TENM2: variants seen among roughly 807,000 people sequenced by gnomAD.
The protein encoded by TENM2 is teneurin transmembrane protein 2, also known as teneurin-2.
TENM2 carries 52 observed loss-of-function variants against 245.2 expected under a neutral mutation model. The observed-to-expected ratio is 0.21, with a 90% CI of 0.17 to 0.27. The LOEUF (loss-of-function observed/expected upper bound fraction) is 0.27, where lower values mean the gene tolerates loss of function less well. Ranked by LOEUF, TENM2 falls within the 10% of genes least tolerant of loss-of-function variation. The pLI is 1.00. For missense variants in TENM2, 3,046 were observed against 3,666.8 expected (o/e 0.83, Z 4.37); for synonymous variants, 1,363 against 1,438.9 (o/e 0.95, Z 1.19).
intron 2 of TENM2, among the ~76,000 whole-genome samples, chr5:167,469,212 G>A (rs1025724228): frequency 6.6e-5 from 10 of 152,026 alleles, no homozygotes; most frequent in Non-Finnish European, 1.5e-4. Context: ...TAGTCCTAAC[G>A]CTGCATCAAA....
chr5:167,704,323 A>G (rs1179295477), intron 2 of TENM2, among the ~76,000 whole-genome samples: 2 of 152,128 alleles, frequency 1.3e-5, no homozygotes, highest in East Asian at 3.9e-4. Context: ...ATCTTAGCCT[A>G]TACTTTAATT....
At chr5:167,001,405 A>T in the TENM2 span, among the ~76,000 whole-genome samples, 1 of 152,090 alleles carries the variant, frequency 6.6e-6, no homozygotes, top group East Asian at 1.9e-4. Context: ...TGGACCTTGA[A>T]TGTTGATTTC....
intron 20 of TENM2, among the ~76,000 whole-genome samples, chr5:168,213,663 A>C (rs1581650445): frequency 8.6e-6 from 1 of 116,206 alleles, no homozygotes; most frequent in African/African-American, 2.8e-5. Context: ...CATCTCTACC[A>C]AAAAAAAAAA....
At chr5:167,342,677 G>A (rs1469370432) in intron 1 of TENM2, among the ~76,000 whole-genome samples, 6 of 151,494 alleles carry the variant, frequency 4.0e-5, no homozygotes, top group African/African-American at 1.2e-4. Flanking sequence ...ACAGGCGCCC[G>A]CCACTGCGCC....
intron 5 of TENM2, among the ~76,000 whole-genome samples, chr5:168,001,265 G>T (rs1185213576): frequency 6.6e-6 from 1 of 152,194 alleles, no homozygotes. Flanking sequence ...GGCCATGTAA[G>T]CACCACATTT....
At chr5:167,734,351 A>G (rs980637260) in intron 2 of TENM2, among the ~76,000 whole-genome samples, 1 of 152,012 alleles carries the variant, frequency 6.6e-6, no homozygotes, top group East Asian at 1.9e-4. Context: ...AAATAATATG[A>G]GAAATATTCA....
At chr5:167,091,779 A>G in the TENM2 span, among the ~76,000 whole-genome samples, 1 of 152,194 alleles carries the variant, frequency 6.6e-6, no homozygotes, top group African/African-American at 2.4e-5. Context: ...TGCTTCTAAT[A>G]TAATGAAAGT....
intron 15 of TENM2, 72 bp from the exon 18 acceptor site, chr5:168,198,781 G>A (rs1761683718): frequency 5.2e-6 from 8 of 1,551,166 alleles, no homozygotes; most frequent in East Asian, 2.3e-5. Flanking sequence ...GCCATCAGGG[G>A]AGGAGGAGAG....
At chr5:167,276,350 TTTTGTGTGTGTGTGTGTGTGTGTGTGTG>T in the TENM2 span, among the ~76,000 whole-genome samples, 589 of 143,714 alleles carry the variant, frequency 4.1e-3, 1 homozygote, top group Non-Finnish European at 6.6e-3. Context: ...AGCCTGTTCA[TTTTGTGTGTGTGTGTGTGTGTGTGTGTG>T]TGTGTGTGTG....
chr5:167,946,515 C>T (rs551314390), intron 3 of TENM2, among the ~76,000 whole-genome samples: 1 of 152,278 alleles, frequency 6.6e-6, no homozygotes, highest in South Asian at 2.1e-4. Context: ...TGGGCGATTC[C>T]CTCCAGTTTC....
chr5:167,012,862 A>T, the TENM2 span, among the ~76,000 whole-genome samples: 4 of 150,428 alleles, frequency 2.7e-5, no homozygotes, highest in Non-Finnish European at 5.9e-5. Flanking sequence ...GTGTGTGTGT[A>T]TTTTTTTTTT....
intron 1 of TENM2, among the ~76,000 whole-genome samples, chr5:167,357,439 C>T (rs2127253279): frequency 6.6e-6 from 1 of 151,942 alleles, no homozygotes; most frequent in Admixed American, 6.6e-5. Flanking sequence ...TGTGCCACCA[C>T]ACCTGGCTAA....
In TENM2 at chr5:167,931,771, G is replaced by T. The variant is rs572467509; in HGVS notation, c.713-20817G>T. On this transcript the variant is annotated intron_variant, in intron 3 of 28. Transcript: ENST00000518659. ...GAAATAGCTGGATTATTTAACTTTG[G>T]TTTTGATGGGATTTGGAAGGAAGAT... 9.2e-5 allele frequency among the ~76,000 whole-genome samples: 14 copies of T among 152,142 alleles called. No individual in the cohort carries two copies. The East Asian group carries it at 1.7e-3, about 19-fold the overall frequency.
rs563460763 is a variant in TENM2, at chr5:167,797,887, A to G, written c.503-78099A>G. 6.6e-5 allele frequency among the ~76,000 whole-genome samples: 10 copies of G among 152,316 alleles called. No homozygotes were observed. The South Asian group carries it at 2.1e-3, about 32-fold the overall frequency. On this transcript the variant is annotated intron_variant, in intron 2 of 28. Coordinates refer to ENST00000518659, the Ensembl canonical transcript of TENM2. ...TCTTTTGAAGTAGTTTAAGGGGAAAACATGGATCTAACACAATGTGTTTAT... is the reference window on the plus strand; with the variant it reads ...TCTTTTGAAGTAGTTTAAGGGGAAAGCATGGATCTAACACAATGTGTTTAT...
the TENM2 span, among the ~76,000 whole-genome samples, chr5:167,234,549 A>G: frequency 6.6e-6 from 1 of 152,242 alleles, no homozygotes; most frequent in Non-Finnish European, 1.5e-5. Context: ...AAGCCAGGCT[A>G]CTTGAAGAGG....
chr5:167,362,115 T>A (rs1759752820), intron 1 of TENM2, among the ~76,000 whole-genome samples: 2 of 152,164 alleles, frequency 1.3e-5, no homozygotes, highest in South Asian at 4.1e-4. Flanking sequence ...TTACATGTAT[T>A]TGTAACCTAC....
At chr5:167,570,719 C>T (rs998235417) in intron 2 of TENM2, among the ~76,000 whole-genome samples, 1 of 152,138 alleles carries the variant, frequency 6.6e-6, no homozygotes, top group Non-Finnish European at 1.5e-5. Flanking sequence ...TAAAGAAGAG[C>T]TGCATTGAAG....
the TENM2 span, among the ~76,000 whole-genome samples, chr5:167,089,659 A>T: frequency 6.6e-6 from 1 of 152,162 alleles, no homozygotes; most frequent in Admixed American, 6.6e-5. Context: ...ATTGAACAGG[A>T]TGTGTATGCC....
chr5:168,030,382 G>A (rs1787033585), intron 5 of TENM2, among the ~76,000 whole-genome samples: 1 of 151,736 alleles, frequency 6.6e-6, no homozygotes, highest in Non-Finnish European at 1.5e-5. Flanking sequence ...TTCATTAATT[G>A]CTGTCAGCCA....
Sources: allele counts gnomAD v4.1 joint callset (sites outside exome capture counted in the v4.1 genomes callset), GRCh38; gene constraint gnomAD v4.1.1; transcripts MANE v1.5; gene names NCBI Gene and HGNC (gene_info 2026-07-23, HGNC 2026-07-21).